TTC23L: variants seen among roughly 807,000 people sequenced by gnomAD.
TTC23L encodes the protein tetratricopeptide repeat domain 23 like, also known as tetratricopeptide repeat protein 23-like.
Under a neutral mutation model 48.1 loss-of-function variants are expected in TTC23L, and 42 were observed. That is an observed-to-expected ratio of 0.87 (90% CI 0.68 to 1.13). TTC23L has a LOEUF of 1.13. TTC23L is among the 50% of genes most tolerant of loss of function. The pLI, the probability that TTC23L is intolerant of heterozygous loss-of-function variation, is 0.00. For synonymous variants in TTC23L, 159 were observed against 157.2 expected (o/e 1.01, Z -0.09); for missense variants, 391 against 421.0 (o/e 0.93, Z 0.62).
intron 1 of TTC23L, among the ~76,000 whole-genome samples, chr5:34,840,226 T>C (rs1009208335): frequency 2.5e-4 from 25 of 101,520 alleles, no homozygotes; most frequent in Non-Finnish European, 3.9e-4. Flanking sequence ...TATTAATTAG[T>C]GAAATGACCC....
chr5:34,893,913 C>T (rs1763033674), intron 9 of TTC23L, among the ~76,000 whole-genome samples: 1 of 152,128 alleles, frequency 6.6e-6, no homozygotes, highest in Admixed American at 6.5e-5. Flanking sequence ...AATAAACACA[C>T]ACACACAGAT....
chr5:34,864,645 C>A, intron 6 of TTC23L, 83 bp downstream of exon 6: 1 of 1,429,410 alleles, frequency 7.0e-7, no homozygotes, highest in Non-Finnish European at 9.2e-7. Flanking sequence ...ATATTTAGAG[C>A]AAAAAAACCC....
At chr5:34,912,205 T>C in the TTC23L span, among the ~76,000 whole-genome samples, 1 of 152,220 alleles carries the variant, frequency 6.6e-6, no homozygotes, top group South Asian at 2.1e-4. Context: ...TAACAGTGGA[T>C]TGCTGTCATC....
chr5:34,880,753 C>G (rs1402617754), intron 9 of TTC23L: 1 of 292,100 alleles, frequency 3.4e-6, no homozygotes, highest in African/African-American at 2.3e-5. Context: ...ATTTGCCTGC[C>G]TCAGCCTCCC....
At chr5:34,894,914 A>T (rs1027426046) in intron 9 of TTC23L, among the ~76,000 whole-genome samples, 2 of 150,344 alleles carry the variant, frequency 1.3e-5, no homozygotes. Flanking sequence ...GATGATGATG[A>T]TGTTAATGGT....
chr5:34,860,724 T>G (rs903257240), intron 4 of TTC23L: 2 of 152,186 alleles, frequency 1.3e-5, no homozygotes, highest in African/African-American at 4.8e-5. Context: ...GGATCACTTT[T>G]ATTTATTTTT....
intron 8 of TTC23L, 50 bp from the exon 9 acceptor site, chr5:34,880,131 A>G (rs992080529): frequency 1.3e-6 from 2 of 1,569,468 alleles, no homozygotes; most frequent in African/African-American, 2.7e-5. Context: ...GATATTAGAC[A>G]TTTGTAAAGG....
intron 3 of TTC23L, 49 bp from the exon 4 acceptor site, chr5:34,850,136 G>T: frequency 6.2e-7 from 1 of 1,606,696 alleles, no homozygotes; most frequent in South Asian, 1.1e-5. Flanking sequence ...CCATGGGGTA[G>T]AGACTTCTCT....
At chr5:34,922,652 G>A in the TTC23L span, 11 of 1,587,886 alleles carry the variant, frequency 6.9e-6, no homozygotes, top group East Asian at 2.2e-4. Flanking sequence ...AAATAGTTGT[G>A]CAAAAGTTAC....
chr5:34,891,140 A>T (rs1260724124), intron 9 of TTC23L, among the ~76,000 whole-genome samples: 1 of 152,242 alleles, frequency 6.6e-6, no homozygotes, highest in East Asian at 1.9e-4. Flanking sequence ...TAGTAATAAT[A>T]ACAATTCTCT....
chr5:34,914,999 G>T, the TTC23L span: 1 of 1,199,292 alleles, frequency 8.3e-7, no homozygotes, highest in Non-Finnish European at 1.2e-6. Flanking sequence ...ATCAGTGCTG[G>T]CGAGGTCCGG....
intron 9 of TTC23L, among the ~76,000 whole-genome samples, chr5:34,882,618 TACACACACACACACACAC>T (rs146120966): frequency 4.3e-5 from 6 of 140,876 alleles, no homozygotes; most frequent in Non-Finnish European, 7.7e-5. Context: ...TCCCATGGAC[TACACACACACACACACAC>T]ACACACACAC....
the TTC23L span, chr5:34,915,516 C>G: frequency 2.0e-6 from 1 of 490,536 alleles, no homozygotes; most frequent in Admixed American, 4.0e-5. Flanking sequence ...AAGCCAGTCC[C>G]GCCACTCTTC....
At position 34,855,984 on chromosome 5, in the gene TTC23L, T is replaced by C. The variant is rs116143111; in HGVS notation, c.379+5676T>C. 4.8e-3 allele frequency among the ~76,000 whole-genome samples: 732 copies of C among 152,278 alleles called. 8 individuals are homozygous for C. The highest frequency in any genetic ancestry group is 5.9e-3 in the Non-Finnish European group (398 of 68,020). Reference sequence around the variant, plus strand: ...TCAACGATAGAAATGTGTTACCTATTCAAAAATGATTATTAAAAGACAGAG... The same window carrying C: ...TCAACGATAGAAATGTGTTACCTATCCAAAAATGATTATTAAAAGACAGAG... On this transcript the variant is annotated intron_variant, in intron 4 of 10. Coordinates refer to ENST00000505624, the Ensembl canonical transcript of TTC23L.
intron 9 of TTC23L, among the ~76,000 whole-genome samples, chr5:34,889,790 A>T (rs1358899615): frequency 1.3e-5 from 2 of 152,104 alleles, no homozygotes; most frequent in Non-Finnish European, 2.9e-5. Flanking sequence ...ACATTTAGAT[A>T]TACTTTTTCT....
chr5:34,894,640 C>T (rs1300906592), intron 9 of TTC23L, among the ~76,000 whole-genome samples: 1 of 151,952 alleles, frequency 6.6e-6, no homozygotes, highest in Admixed American at 6.6e-5. Context: ...AAGAGAGTGC[C>T]ATGTAGTGGT....
chr5:34,914,530 T>C, the TTC23L span: 1 of 693,452 alleles, frequency 1.4e-6, no homozygotes, highest in Non-Finnish European at 2.3e-6. Context: ...GTAATGACGT[T>C]TTGTTCTCTA....
At chr5:34,873,463 A>T (rs1580461076) in intron 8 of TTC23L, among the ~76,000 whole-genome samples, 1 of 152,192 alleles carries the variant, frequency 6.6e-6, no homozygotes, top group Non-Finnish European at 1.5e-5. Flanking sequence ...AGGTCGGTCC[A>T]TGAGAATTGC....
rs982531662 is a variant in TTC23L at position 34,863,506 on chromosome 5, T to C, written c.536+452T>C. ...CTGCTGTCTGTTCCTGCCCCAAAGA[T>C]TTTGACTGAGAGGCTCTGAGGTACA... On this transcript the variant is annotated intron_variant, in intron 5 of 10. Transcript: ENST00000505624. The surrounding 1 kb of genome is among the most constrained non-coding windows in gnomAD (Gnocchi z 4.1). Among the ~76,000 whole-genome samples, 60 of 152,282 alleles carry C rather than the reference T, an allele frequency of 3.9e-4. No individual in the cohort carries two copies. Among genetic ancestry groups the C allele is most frequent in the African/African-American group, 1.4e-3 (57 of 41,552 alleles).
Sources: gnomAD v4.1 joint callset for allele counts (sites outside exome capture counted in the v4.1 genomes callset) on GRCh38, gnomAD v4.1.1 for gene constraint, Gnocchi (gnomAD v3.1) non-coding constraint, MANE v1.5 for transcripts, NCBI Gene and HGNC (gene_info 2026-07-23, HGNC 2026-07-21) for gene names.